The following PAQR5 variants were observed in gnomAD, a reference collection of about 807,000 sequenced individuals.
PAQR5 encodes the protein membrane progestin receptor gamma.
A neutral mutation model predicts 34.5 loss-of-function variants in PAQR5; 20 were observed. The ratio of observed to expected loss-of-function variants is 0.58; its 90% CI spans 0.41 to 0.84. The LOEUF is 0.84. PAQR5 is among the 40% of genes least tolerant of loss of function. The probability of loss-of-function intolerance (pLI) is 0.00; values close to 1 mark genes in which losing one functional copy is unlikely to be tolerated. For missense variants in PAQR5, 378 were observed against 412.7 expected (o/e 0.92, Z 0.73); for synonymous variants, 131 against 155.6 (o/e 0.84, Z 1.18).
intron 2 of PAQR5, among the ~76,000 whole-genome samples, chr15:69,355,003 G>A (rs1163602678): frequency 1.3e-5 from 2 of 152,218 alleles, no homozygotes; most frequent in South Asian, 2.1e-4. Context: ...GCCTCAGTCC[G>A]AGAGTTAAAC....
intron 1 of PAQR5, among the ~76,000 whole-genome samples, chr15:69,326,912 A>T (rs577310141): frequency 2.5e-4 from 37 of 149,288 alleles, no homozygotes; most frequent in Non-Finnish European, 4.1e-4. Flanking sequence ...CCTTTACATT[A>T]GGCCTCATGC....
At chr15:69,343,766 C>G (rs1349135041) in intron 2 of PAQR5, among the ~76,000 whole-genome samples, 3 of 152,158 alleles carry the variant, frequency 2.0e-5, no homozygotes, top group Non-Finnish European at 4.4e-5. Context: ...TGACTTCCAG[C>G]TGATAGATAG....
chr15:69,317,111 A>G (rs901733081), intron 1 of PAQR5, among the ~76,000 whole-genome samples: 1 of 152,170 alleles, frequency 6.6e-6, no homozygotes, highest in Non-Finnish European at 1.5e-5. Context: ...GAGCCACTGC[A>G]CCCAGTCCAC....
At chr15:69,319,095 C>G (rs2054020973) in intron 1 of PAQR5, among the ~76,000 whole-genome samples, 1 of 149,782 alleles carries the variant, frequency 6.7e-6, no homozygotes, top group Non-Finnish European at 1.5e-5. Context: ...GATTGTGCCA[C>G]TGCACTCCAG....
chr15:69,336,412 G>A (rs989293459), intron 1 of PAQR5, among the ~76,000 whole-genome samples: 1 of 152,134 alleles, frequency 6.6e-6, no homozygotes, highest in Non-Finnish European at 1.5e-5. Context: ...CTATATTTGT[G>A]TAAATGTATT....
chr15:69,373,386 A>G (rs924511366), intron 3 of PAQR5, among the ~76,000 whole-genome samples: 1 of 152,178 alleles, frequency 6.6e-6, no homozygotes, highest in African/African-American at 2.4e-5. Context: ...TACTATTATC[A>G]CAAGCTTGCC....
rs577683089 is a variant in PAQR5, at chr15:69,328,471, C to A, written c.-276-8870C>A. Among the ~76,000 whole-genome samples, 3 of 152,292 alleles carry A rather than the reference C, an allele frequency of 2.0e-5. No homozygotes were observed. The Middle Eastern group carries it at 0.01, about 518-fold the overall frequency. ...GAGGGTTCAGGGAGGAGGAGGGCAGCAGGAGAGGAGTCGCTGGAGCCCGTG... is the reference window on the plus strand; with the variant it reads ...GAGGGTTCAGGGAGGAGGAGGGCAGAAGGAGAGGAGTCGCTGGAGCCCGTG... On this transcript the variant is annotated intron_variant, in intron 1 of 8. Transcript: ENST00000395407.
chr15:69,399,864 CAT>C (rs1032796231), intron 7 of PAQR5, 108 bp from the exon 8 acceptor site: 10 of 1,095,144 alleles, frequency 9.1e-6, no homozygotes, highest in African/African-American at 6.3e-5. Flanking sequence ...TGTGTGCTAA[CAT>C]GTGTGGGTGT....
At chr15:69,313,730 C>A (rs1228858327) in intron 1 of PAQR5, among the ~76,000 whole-genome samples, 1 of 152,110 alleles carries the variant, frequency 6.6e-6, no homozygotes, top group East Asian at 1.9e-4. Flanking sequence ...GTCAGCCCTT[C>A]AGGGTGGCCA....
rs117790423 is a variant in PAQR5, at chr15:69,316,590, G to A, written c.-277+17534G>A. ...AGAAGGAAGGAGAAATACATTTTCC[G>A]TTTTATCTTGTAGCCTGGGACAGGC... is the stretch of plus-strand genomic sequence containing the variant. On this transcript the variant is annotated intron_variant, in intron 1 of 8. Transcript: ENST00000395407. 8.5e-5 allele frequency among the ~76,000 whole-genome samples: 13 copies of A among 152,168 alleles called. No individual in the cohort carries two copies. The East Asian group carries it at 1.4e-3, about 16-fold the overall frequency.
At position 69,304,582 on chromosome 15, in the gene PAQR5, A is replaced by T. The variant is rs151092596; in HGVS notation, c.-277+5526A>T. ...GTGATCCAAGGTTTAATTCTCACCC[A>T]TGCCCTGTCCTCCGATCCAGGTTTT... is the stretch of plus-strand genomic sequence containing the variant. On this transcript the variant is annotated intron_variant, in intron 1 of 8. Transcript: ENST00000395407. Among the ~76,000 whole-genome samples, 568 of 152,328 alleles carry T rather than the reference A, an allele frequency of 3.7e-3. 9 individuals are homozygous for T. Among genetic ancestry groups the T allele is most frequent in the African/African-American group, 0.013 (528 of 41,566 alleles).
intron 6 of PAQR5, chr15:69,397,101 C>T (rs1013888): frequency 0.053 from 23,721 of 443,432 alleles, 1,554 homozygotes; most frequent in East Asian, 0.18. Flanking sequence ...GTGGATCCCC[C>T]GATTCCCCCT....
At chr15:69,375,706 AG>A (rs1046464404) in intron 3 of PAQR5, among the ~76,000 whole-genome samples, 2 of 152,142 alleles carry the variant, frequency 1.3e-5, no homozygotes, top group African/African-American at 2.4e-5. Context: ...TAACCTCTCC[AG>A]GCCTCAGTTT....
chr15:69,378,423 C>T (rs920385540), intron 3 of PAQR5, among the ~76,000 whole-genome samples: 17 of 88,394 alleles, frequency 1.9e-4, no homozygotes, highest in Admixed American at 7.5e-4. Context: ...GGCTTCAGAT[C>T]AAGACCCTGT....
intron 1 of PAQR5, among the ~76,000 whole-genome samples, chr15:69,336,550 G>A (rs899791999): frequency 2.0e-5 from 3 of 152,110 alleles, no homozygotes; most frequent in African/African-American, 4.8e-5. Flanking sequence ...TTTGTCGATC[G>A]TGTCTTTAAC....
chr15:69,324,617 C>T (rs1376504582), intron 1 of PAQR5, among the ~76,000 whole-genome samples: 2 of 152,148 alleles, frequency 1.3e-5, no homozygotes, highest in Admixed American at 6.5e-5. Flanking sequence ...CATCACCATC[C>T]CTGAGGCTCA....
intron 3 of PAQR5, among the ~76,000 whole-genome samples, chr15:69,377,064 C>A (rs187660967): frequency 1.3e-5 from 2 of 152,296 alleles, no homozygotes; most frequent in Admixed American, 1.3e-4. Flanking sequence ...TCTCACTGGT[C>A]CCTTGTCACA....
chr15:69,332,730 C>G (rs1199908823), intron 1 of PAQR5, among the ~76,000 whole-genome samples: 19 of 75,302 alleles, frequency 2.5e-4, no homozygotes, highest in Non-Finnish European at 4.3e-4. Context: ...GATTTCCTGT[C>G]TTGAGTTTTC....
At chr15:69,338,115 A>C (rs917249272) in intron 2 of PAQR5, among the ~76,000 whole-genome samples, 4 of 152,084 alleles carry the variant, frequency 2.6e-5, no homozygotes, top group African/African-American at 4.8e-5. Flanking sequence ...AAACAACAAC[A>C]ACAACAAAAA....
Sources: allele counts gnomAD v4.1 joint callset (sites outside exome capture counted in the v4.1 genomes callset), GRCh38; gene constraint gnomAD v4.1.1; transcripts MANE v1.5; gene names NCBI Gene and HGNC (gene_info 2026-07-23, HGNC 2026-07-21).